Variants in ARB2A observed in about 807,000 individuals in gnomAD.
ARB2A encodes cotranscriptional regulator ARB2A.
the ARB2A span, among the ~76,000 whole-genome samples, chr5:94,097,354 C>T: frequency 6.6e-6 from 1 of 152,176 alleles, no homozygotes; most frequent in African/African-American, 2.4e-5. Context: ...GCAGATGTCA[C>T]CTAACCATCG....
At chr5:94,091,727 G>T in the ARB2A span, among the ~76,000 whole-genome samples, 1 of 152,154 alleles carries the variant, frequency 6.6e-6, no homozygotes, top group Admixed American at 6.6e-5. Flanking sequence ...AAATTAGATG[G>T]AAACTAATTT....
At chr5:94,038,327 T>C in the ARB2A span, among the ~76,000 whole-genome samples, 4 of 152,004 alleles carry the variant, frequency 2.6e-5, no homozygotes, top group Admixed American at 6.6e-5. Flanking sequence ...AACTCCAATA[T>C]ATATTATATA....
the ARB2A span, among the ~76,000 whole-genome samples, chr5:93,695,891 T>C: frequency 1.3e-5 from 2 of 152,134 alleles, no homozygotes; most frequent in Non-Finnish European, 2.9e-5. Context: ...TGCAGGGACA[T>C]GGATGATGCT....
chr5:93,793,466 A>G, the ARB2A span, among the ~76,000 whole-genome samples: 1 of 151,974 alleles, frequency 6.6e-6, no homozygotes, highest in Middle Eastern at 3.4e-3. Flanking sequence ...TGAAATACTT[A>G]TAAAACCAGT....
the ARB2A span, among the ~76,000 whole-genome samples, chr5:94,011,936 C>CAAAAAAA: frequency 2.7e-4 from 8 of 30,188 alleles, no homozygotes; most frequent in Non-Finnish European, 3.8e-4. Context: ...AAAGGGTAGA[C>CAAAAAAA]AAAAAAAAAA....
At chr5:93,753,665 T>A in the ARB2A span, among the ~76,000 whole-genome samples, 2 of 152,342 alleles carry the variant, frequency 1.3e-5, no homozygotes, top group South Asian at 4.1e-4. Flanking sequence ...TAAAATACAT[T>A]TACTGTATTC....
the ARB2A span, among the ~76,000 whole-genome samples, chr5:93,947,578 C>T: frequency 5.3e-5 from 8 of 150,848 alleles, no homozygotes; most frequent in South Asian, 1.7e-3. Flanking sequence ...AGGTTAGTTA[C>T]GTATGTATAC....
the ARB2A span, among the ~76,000 whole-genome samples, chr5:93,886,196 C>T: frequency 2.0e-5 from 3 of 151,640 alleles, no homozygotes; most frequent in Non-Finnish European, 3.0e-5. Context: ...AATTCTACAT[C>T]TTTTCAACTA....
chr5:93,846,031 ACACAC>A, the ARB2A span, among the ~76,000 whole-genome samples: 15 of 143,198 alleles, frequency 1.0e-4, no homozygotes, highest in Non-Finnish European at 7.7e-5. Context: ...ACACACACAC[ACACAC>A]AATCACACAA....
At chr5:93,808,779 T>C in the ARB2A span, among the ~76,000 whole-genome samples, 1 of 152,058 alleles carries the variant, frequency 6.6e-6, no homozygotes, top group South Asian at 2.1e-4. Context: ...GAATAATAAA[T>C]AACTGAGTGT....
At chr5:93,867,299 T>A in the ARB2A span, among the ~76,000 whole-genome samples, 3 of 152,248 alleles carry the variant, frequency 2.0e-5, no homozygotes, top group Non-Finnish European at 4.4e-5. Flanking sequence ...TTATTAAATA[T>A]GATAGCATCC....
At chr5:93,868,530 C>T in the ARB2A span, among the ~76,000 whole-genome samples, 1 of 152,162 alleles carries the variant, frequency 6.6e-6, no homozygotes, top group Non-Finnish European at 1.5e-5. Context: ...GATTGGCTGA[C>T]TACCAGGCAA....
the ARB2A span, among the ~76,000 whole-genome samples, chr5:93,997,769 A>C: frequency 1.3e-5 from 2 of 151,998 alleles, no homozygotes; most frequent in Non-Finnish European, 2.9e-5. Context: ...TGCACTGTAA[A>C]CATCTTAAAA....
At chr5:93,761,189 G>A in the ARB2A span, among the ~76,000 whole-genome samples, 1 of 152,280 alleles carries the variant, frequency 6.6e-6, no homozygotes, top group Non-Finnish European at 1.5e-5. Flanking sequence ...CAGCTCACTG[G>A]GGAGTGTCAG....
the ARB2A span, among the ~76,000 whole-genome samples, chr5:93,626,949 G>A: frequency 6.6e-6 from 1 of 152,160 alleles, no homozygotes; most frequent in Admixed American, 6.5e-5. Flanking sequence ...TTCAAAATTA[G>A]TCAATCCTTT....
At chr5:94,060,561 C>T in the ARB2A span, among the ~76,000 whole-genome samples, 3 of 152,164 alleles carry the variant, frequency 2.0e-5, no homozygotes, top group African/African-American at 7.2e-5. Flanking sequence ...GAAAGGTTCA[C>T]TGGAGAAATC....
At chr5:93,674,457 A>T in the ARB2A span, among the ~76,000 whole-genome samples, 1 of 152,226 alleles carries the variant, frequency 6.6e-6, no homozygotes, top group African/African-American at 2.4e-5. Context: ...AACCAGGCAC[A>T]CACAAAAAAG....
chr5:94,056,272 T>C, the ARB2A span, among the ~76,000 whole-genome samples: 1 of 152,236 alleles, frequency 6.6e-6, no homozygotes, highest in African/African-American at 2.4e-5. Flanking sequence ...TTCCTTTGAA[T>C]GATAAAACGA....
At chr5:93,798,915 T>C in the ARB2A span, among the ~76,000 whole-genome samples, 1 of 152,148 alleles carries the variant, frequency 6.6e-6, no homozygotes, top group African/African-American at 2.4e-5. Flanking sequence ...ACCAAGGTGG[T>C]TTGTACACAT....
Sources: gnomAD v4.1 joint callset for allele counts (sites outside exome capture counted in the v4.1 genomes callset) on GRCh38, gnomAD v4.1.1 for gene constraint, MANE v1.5 for transcripts, NCBI Gene and HGNC (gene_info 2026-07-23, HGNC 2026-07-21) for gene names.